JAKMIP2: variants seen among roughly 807,000 people sequenced by gnomAD.
JAKMIP2 encodes the protein janus kinase and microtubule-interacting protein 2.
In JAKMIP2, 25 loss-of-function variants were observed where a neutral mutation model predicts 115.0. The ratio of observed to expected loss-of-function variants is 0.22; its 90% confidence interval spans 0.16 to 0.30. JAKMIP2 has a LOEUF of 0.30. JAKMIP2 is among the 10% of genes least tolerant of loss of function. JAKMIP2 has a pLI of 1.00. For synonymous variants in JAKMIP2, 334 were observed against 343.6 expected, an observed-to-expected ratio of 0.97 and a Z score of 0.31; for missense variants, 642 against 957.6, an observed-to-expected ratio of 0.67 and a Z score of 4.35.
Position 147,605,120 on chromosome 5 carries a change from C to T in JAKMIP2, c.2413-3309G>A, listed in dbSNP as rs1755929464. Among the ~76,000 whole-genome samples the T allele has an allele frequency of 2.0e-5, 3 of 151,702 alleles. No homozygotes were observed. In the South Asian group the frequency reaches 6.2e-4, roughly 32 times the overall value. On this transcript the variant is annotated intron_variant, in intron 20 of 21. Transcript: ENST00000616793. ...GTTAGTTTGCTGAGAATGACTGTTT[C>T]CAACTTCATCCATGTCCCTGCAAAG...
At chr5:147,619,106 A>T (rs1339005983) in intron 18 of JAKMIP2, among the ~76,000 whole-genome samples, 1 of 152,138 alleles carries the variant, frequency 6.6e-6, no homozygotes, top group Non-Finnish European at 1.5e-5. Flanking sequence ...GATATGCTTC[A>T]GATAACAGTT....
At position 147,748,649 on chromosome 5, in the gene JAKMIP2, C is replaced by T. The variant is rs564094290; in HGVS notation, c.-149+33807G>A. ...TGCTGTCTTTCCTTTTCTTTGTCAC[C>T]ACATGTACAATAAAGAAACAGGCAA... is the stretch of plus-strand genomic sequence containing the variant. On this transcript the variant is annotated intron_variant, in intron 1 of 21. Transcript: ENST00000616793. Among the ~76,000 whole-genome samples the T allele has an allele frequency of 1.3e-4, 20 of 151,916 alleles. No homozygotes were observed. In the East Asian group the frequency reaches 3.9e-3, roughly 30 times the overall value.
At chr5:147,775,571 G>C (rs1040519432) in intron 1 of JAKMIP2, among the ~76,000 whole-genome samples, 2 of 152,192 alleles carry the variant, frequency 1.3e-5, no homozygotes, top group African/African-American at 4.8e-5. Context: ...AGCATGTAGT[G>C]AGCAGTCTTT....
intron 1 of JAKMIP2, among the ~76,000 whole-genome samples, chr5:147,743,077 T>G (rs889134697): frequency 6.6e-6 from 1 of 152,230 alleles, no homozygotes; most frequent in East Asian, 1.9e-4. Flanking sequence ...GTACTTATTA[T>G]GAGAAATAAA....
intron 16 of JAKMIP2, among the ~76,000 whole-genome samples, chr5:147,626,820 TTTTG>T (rs1178220113): frequency 6.6e-6 from 1 of 152,158 alleles, no homozygotes; most frequent in Non-Finnish European, 1.5e-5. Flanking sequence ...TCAGCCCATG[TTTTG>T]TTTGTAGCCC....
At chr5:147,617,550 C>T (rs889584876) in intron 19 of JAKMIP2, among the ~76,000 whole-genome samples, 8 of 152,110 alleles carry the variant, frequency 5.3e-5, no homozygotes, top group South Asian at 4.1e-4. Flanking sequence ...GGCTTGTTTA[C>T]GGACTGGAGT....
intron 21 of JAKMIP2, among the ~76,000 whole-genome samples, chr5:147,595,787 C>T (rs915889506): frequency 2.0e-5 from 3 of 152,006 alleles, no homozygotes; most frequent in Non-Finnish European, 4.4e-5. Flanking sequence ...GTGCTAGACA[C>T]TGTTGGTTAT....
At chr5:147,716,142 A>G (rs1381313031) in intron 1 of JAKMIP2, among the ~76,000 whole-genome samples, 4 of 144,502 alleles carry the variant, frequency 2.8e-5, no homozygotes, top group Non-Finnish European at 3.0e-5. Context: ...ATGTTTTCCA[A>G]TTTCATCCAT....
At chr5:147,744,863 T>C (rs1286439189) in intron 1 of JAKMIP2, among the ~76,000 whole-genome samples, 1 of 151,976 alleles carries the variant, frequency 6.6e-6, no homozygotes, top group Non-Finnish European at 1.5e-5. Context: ...ATTGAGACCA[T>C]CCTGGCCACG....
chr5:147,767,088 G>A (rs1039521981), intron 1 of JAKMIP2, among the ~76,000 whole-genome samples: 2 of 152,116 alleles, frequency 1.3e-5, no homozygotes, highest in African/African-American at 4.8e-5. Flanking sequence ...GGATTGAATA[G>A]TTAGCCTGGC....
At chr5:147,780,823 T>C (rs1381987177) in intron 1 of JAKMIP2, among the ~76,000 whole-genome samples, 1 of 152,154 alleles carries the variant, frequency 6.6e-6, no homozygotes, top group Admixed American at 6.5e-5. Context: ...ACCCAAACAA[T>C]TGTTATTTTA....
chr5:147,693,667 T>A (rs964755209), intron 1 of JAKMIP2, among the ~76,000 whole-genome samples: 4 of 151,712 alleles, frequency 2.6e-5, no homozygotes, highest in Non-Finnish European at 4.4e-5. Context: ...AAAAAAAAAA[T>A]TGGAATTAAA....
intron 12 of JAKMIP2, 36 bp downstream of exon 12, chr5:147,636,186 C>T (rs933219431): frequency 6.4e-7 from 1 of 1,565,432 alleles, no homozygotes; most frequent in Non-Finnish European, 8.8e-7. Flanking sequence ...TCATGATTTT[C>T]TCCTCTGCCC....
At chr5:147,724,087 T>C (rs548920951) in intron 1 of JAKMIP2, among the ~76,000 whole-genome samples, 1 of 152,322 alleles carries the variant, frequency 6.6e-6, no homozygotes, top group East Asian at 1.9e-4. Context: ...AGGATAGGGC[T>C]ACACAGATAA....
At chr5:147,609,503 C>T (rs886146520) in intron 20 of JAKMIP2, among the ~76,000 whole-genome samples, 1 of 152,262 alleles carries the variant, frequency 6.6e-6, no homozygotes, top group Admixed American at 6.5e-5. Context: ...AATATTGGCC[C>T]CTACTCTCTT....
intron 6 of JAKMIP2, among the ~76,000 whole-genome samples, chr5:147,644,499 G>A (rs1266831506): frequency 6.6e-6 from 1 of 152,122 alleles, no homozygotes; most frequent in African/African-American, 2.4e-5. Flanking sequence ...TATCATGCAC[G>A]ATCTTAGAAG....
rs538592448 is a variant in JAKMIP2 at position 147,612,450 on chromosome 5, C to T, written c.2347-79G>A. The T allele has an allele frequency of 9.6e-4, 759 of 787,758 alleles. 1 individual carries two copies. The highest frequency in any genetic ancestry group is 1.3e-3 in the Non-Finnish European group (642 of 490,566). 48.8% of individuals were successfully genotyped at this position (787,758 alleles called of 1,614,324 possible). A position where few individuals can be genotyped will look rare whatever the true frequency, so the allele number is the denominator to read the frequency against. ...AAAAATAATTTACCAAATGAAAACA[C>T]GAAACTTCCTATACAAACCTGAATA... On this transcript the variant is annotated intron_variant, in intron 19 of 21. Transcript: ENST00000616793.
chr5:147,646,922 A>G (rs1164380168), intron 5 of JAKMIP2, among the ~76,000 whole-genome samples: 1 of 151,830 alleles, frequency 6.6e-6, no homozygotes, highest in Non-Finnish European at 1.5e-5. Flanking sequence ...TTAAAGAACT[A>G]AGAAGGATAT....
intron 1 of JAKMIP2, among the ~76,000 whole-genome samples, chr5:147,721,046 T>G (rs1220228389): frequency 3.3e-5 from 5 of 152,020 alleles, no homozygotes; most frequent in Non-Finnish European, 5.9e-5. Flanking sequence ...GTCCTTTCTG[T>G]TTGTTAGTTT....
Sources: gnomAD v4.1 joint callset for allele counts (sites outside exome capture counted in the v4.1 genomes callset) on GRCh38, gnomAD v4.1.1 for gene constraint, MANE v1.5 for transcripts, NCBI Gene and HGNC (gene_info 2026-07-23, HGNC 2026-07-21) for gene names.